The following SLC35B1 variants were observed in gnomAD, a reference collection of about 807,000 sequenced individuals.
The protein encoded by SLC35B1 is solute carrier family 35 member B1, also known as ATP/ADP exchanger ER.
SLC35B1 carries 27 observed loss-of-function variants against 36.6 expected under a neutral mutation model. The observed-to-expected ratio is 0.74, with a 90% confidence interval of 0.54 to 1.02. The LOEUF (loss-of-function observed/expected upper bound fraction) is 1.02. Ranked by LOEUF, SLC35B1 falls within the 50% of genes least tolerant of loss-of-function variation. The pLI is 0.00. For missense variants in SLC35B1, 321 were observed against 383.2 expected, an observed-to-expected ratio of 0.84 and a Z score of 1.35; for synonymous variants, 162 against 152.5, an observed-to-expected ratio of 1.06 and a Z score of -0.46.
At chr17:49,701,967 C>T in intron 8 of SLC35B1, 3 of 355,694 alleles carry the variant, frequency 8.4e-6, no homozygotes, top group Non-Finnish European at 1.7e-5. Context: ...GTGGTACATG[C>T]CTATAATCGC....
intron 1 of SLC35B1, 122 bp downstream of exon 1, chr17:49,707,608 G>C (rs1282448663): frequency 2.8e-5 from 41 of 1,449,986 alleles, no homozygotes; most frequent in Non-Finnish European, 3.5e-5. Flanking sequence ...AAGTAGTAGG[G>C]TGCTAAGAGG....
At chr17:49,707,411 A>G in intron 1 of SLC35B1, 1 of 1,440,836 alleles carries the variant, frequency 6.9e-7, no homozygotes, top group Non-Finnish European at 9.2e-7. Context: ...GTTTGCAAGC[A>G]TCTGGGAGTA....
rs1331787864 is a variant in SLC35B1, at chr17:49,705,260, A to C, written c.392T>G (p.Leu131Arg). The change falls in exon 5 of 9, where the codon CTC becomes CGC. Residue 131 changes from leucine (L) to arginine (R), a missense_variant. Physicochemically the swap from Leu to Arg is moderately radical, Grantham distance 102. Transcript: ENST00000240333. ...GGCCAACGGGTACTTCTTCTTCAAGAGGGTCACCCCAAGGAGCATGACTAC... is the reference window on the plus strand; with the variant it reads ...GGCCAACGGGTACTTCTTCTTCAAGCGGGTCACCCCAAGGAGCATGACTAC... ...PIPVMLLGVTLLKKKYPLAKY... is the reference protein window; with the variant it reads ...PIPVMLLGVTRLKKKYPLAKY... 6 of 1,614,102 alleles carry C rather than the reference A, an allele frequency of 3.7e-6. No homozygotes were observed. In the African/African-American group the frequency reaches 8.0e-5, roughly 22 times the overall value.
At chr17:49,706,012 C>T (rs572241569) in intron 3 of SLC35B1, 116 bp from the exon 4 acceptor site, 1 of 1,311,350 alleles carries the variant, frequency 7.6e-7, no homozygotes, top group Admixed American at 2.0e-5. Context: ...ACCTCAGCCT[C>T]AGAAAGCAGC....
chr17:49,702,590 G>C (rs2073364719), intron 8 of SLC35B1: 1 of 333,518 alleles, frequency 3.0e-6, no homozygotes, highest in East Asian at 5.8e-5. Context: ...AAATCATCCG[G>C]GCATGGTGGT....
chr17:49,703,348 GCACACACACACACACA>G (rs10595474), intron 6 of SLC35B1, 54 bp from the exon 7 acceptor site: 2 of 704,452 alleles, frequency 2.8e-6, no homozygotes, highest in Non-Finnish European at 5.1e-6. Flanking sequence ...CAAAATGTGC[GCACACACACACACACA>G]CACACACACA....
rs753991352 is a variant in SLC35B1, at chr17:49,705,325, T to C, written c.371-44A>G. 1.9e-6 allele frequency: 3 copies of C among 1,589,970 alleles called. No homozygotes were observed. In the Admixed American group the frequency reaches 5.2e-5, roughly 28 times the overall value. ...GTGGAAAATTCAGGCATCCATAAGG[T>C]ATTGATGACCCCAATGCCCTCCCTC... On this transcript the variant is annotated intron_variant, in intron 4 of 8. Transcript: ENST00000240333.
Position 49,706,375 on chromosome 17 carries a change from A to AG in SLC35B1, c.209-42dup. On this transcript the variant is annotated intron_variant, in intron 2 of 8. Transcript: ENST00000240333. ...AAAAAAAAAAAAAAAAGAAAAGAAA[A>AG]GAAAAAAAAAAAAAAACAAGAGAAA... 7 of 1,071,518 alleles carry AG rather than the reference A, an allele frequency of 6.5e-6. No homozygotes were observed. The African/African-American group carries it at 1.2e-4, about 18-fold the overall frequency. 66.4% of individuals were successfully genotyped at this position (1,071,518 alleles called of 1,614,324 possible).
At chr17:49,707,386 G>A (rs2073432573) in intron 1 of SLC35B1, 2 of 1,431,432 alleles carry the variant, frequency 1.4e-6, no homozygotes, top group Non-Finnish European at 1.8e-6. Context: ...CACCAAGGCC[G>A]AGGACGAATA....
chr17:49,703,524 T>C (rs1233225116), intron 6 of SLC35B1: 1 of 459,870 alleles, frequency 2.2e-6, no homozygotes, highest in Non-Finnish European at 4.0e-6. Context: ...GAGAAAGGCT[T>C]GAAAGTTAAT....
chr17:49,703,354 A>AGTG (rs2073376526), intron 6 of SLC35B1, 60 bp from the exon 7 acceptor site: 1 of 743,654 alleles, frequency 1.3e-6, no homozygotes, highest in African/African-American at 2.0e-5. Context: ...GTGCGCACAC[A>AGTG]CACACACACA....
At position 49,707,826 on chromosome 17, in the gene SLC35B1, G is replaced by C; in HGVS notation, c.8C>G (p.Ser3Cys). The C allele has an allele frequency of 6.2e-7, 1 of 1,611,912 alleles. No homozygotes were observed. Among genetic ancestry groups the C allele is most frequent in the South Asian group, 1.1e-5 (1 of 90,988 alleles). The part of the protein sequence containing the change: MA[S>C]SSSLVPDRLR... ...CCGGTCGGGCACCAGGGAGCTGCTA[G>C]AGGCCATGAGACGCCCAGAGGAGCC... Residue 3 changes from serine (S) to cysteine (C), a missense_variant, in exon 1 of 9, where the codon TCT becomes TGT. Transcript: ENST00000240333.
intron 3 of SLC35B1, 152 bp from the exon 4 acceptor site, chr17:49,706,048 C>T (rs1158178906): frequency 7.8e-7 from 1 of 1,288,814 alleles, no homozygotes; most frequent in Non-Finnish European, 1.1e-6. Context: ...CCCACCACCA[C>T]TAAACGTAAG....
Position 49,707,715 on chromosome 17 carries a change from C to A in SLC35B1, c.104+15G>T. 1 of 1,609,680 alleles carries A rather than the reference C, an allele frequency of 6.2e-7. No homozygotes were observed. The highest frequency in any genetic ancestry group is 8.5e-7 in the Non-Finnish European group (1 of 1,178,684). ...GCTGGGGAGAGACTGTCGGCCCGCC[C>A]CCGGGGTCGCTCACATCTTTTCCTG... On this transcript the variant is annotated intron_variant, in intron 1 of 8. Transcript: ENST00000240333.
chr17:49,701,614 C>A, intron 8 of SLC35B1, 104 bp from the exon 9 acceptor site: 1 of 856,918 alleles, frequency 1.2e-6, no homozygotes, highest in Non-Finnish European at 2.0e-6. Context: ...AAAATGGGGG[C>A]TTTAAATAAA....
intron 7 of SLC35B1, 32 bp from the exon 8 acceptor site, chr17:49,703,043 C>T: frequency 6.2e-7 from 1 of 1,613,280 alleles, no homozygotes; most frequent in Non-Finnish European, 8.5e-7. Flanking sequence ...GTCCGGTGGG[C>T]TTCTGGGTAT....
At chr17:49,707,317 C>G (rs1043054257) in intron 1 of SLC35B1, 4 of 1,443,370 alleles carry the variant, frequency 2.8e-6, no homozygotes, top group Non-Finnish European at 3.7e-6. Flanking sequence ...AGGAAACATG[C>G]AGAACGAGAT....
chr17:49,706,102 CTTTTTT>C (rs558001093), intron 3 of SLC35B1, 96 bp downstream of exon 3: 103 of 837,110 alleles, frequency 1.2e-4, no homozygotes, highest in South Asian at 3.1e-4. Context: ...GGACCGTTAT[CTTTTTT>C]TTTTTTTTTT....
rs1402547148 is a variant in SLC35B1, at chr17:49,706,959, A to G, written c.208+6T>C. Reference sequence around the variant, plus strand: ...GTACCCAACAAATTACTATCTGGGTACTCACAGATCTTGGCAAACACAGCA... The same window carrying G: ...GTACCCAACAAATTACTATCTGGGTGCTCACAGATCTTGGCAAACACAGCA... On this transcript the variant is annotated splice_donor_region_variant and intron_variant, in intron 2 of 8. Transcript: ENST00000240333. The G allele has an allele frequency of 4.4e-6, 7 of 1,601,178 alleles. No homozygotes were observed. The highest frequency in any genetic ancestry group is 3.3e-5 in the South Asian group (3 of 90,878).
Sources: gnomAD v4.1 joint callset for allele counts on GRCh38, gnomAD v4.1.1 for gene constraint, MANE v1.5 for transcripts, NCBI Gene and HGNC (gene_info 2026-07-23, HGNC 2026-07-21) for gene names.